Variants in CRKL observed in about 807,000 individuals in gnomAD.
CRKL encodes the protein CRK like proto-oncogene, adaptor protein.
In CRKL, 3 loss-of-function variants were observed where a neutral mutation model predicts 23.0. The ratio of observed to expected loss-of-function variants is 0.13; its 90% CI spans 0.06 to 0.34. The LOEUF (loss-of-function observed/expected upper bound fraction) is 0.34, where lower values mean the gene tolerates loss of function less well. CRKL is among the 10% of genes least tolerant of loss of function. The probability of loss-of-function intolerance (pLI) is 1.00; values close to 1 mark genes in which losing one functional copy is unlikely to be tolerated. For synonymous variants in CRKL, 188 were observed against 160.7 expected, an observed-to-expected ratio of 1.17 and a Z score of -1.28; for missense variants, 256 against 394.5, an observed-to-expected ratio of 0.65 and a Z score of 2.97.
Position 20,931,910 on chromosome 22 carries a change from C to G in CRKL, c.312-1869C>G, listed in dbSNP as rs369132845. Reference sequence around the variant, plus strand: ...CACTGCAAGCTCCGCCTCCCGGGCTCACACCGTTCTCCTGCCTCAGCCTCC... The same window carrying G: ...CACTGCAAGCTCCGCCTCCCGGGCTGACACCGTTCTCCTGCCTCAGCCTCC... On this transcript the variant is annotated intron_variant, in intron 1 of 2. Transcript: ENST00000354336. 1.4e-3 allele frequency among the ~76,000 whole-genome samples: 208 copies of G among 152,268 alleles called. 1 individual carries two copies. The highest frequency in any genetic ancestry group is 4.6e-3 in the African/African-American group (192 of 41,542).
In CRKL at chr22:20,917,417, C is replaced by T. The variant is rs952671761; in HGVS notation, c.-518C>T. On this transcript the variant is annotated 5_prime_UTR_variant, in exon 1 of 3. Coordinates refer to ENST00000354336, the MANE Select transcript of CRKL (RefSeq NM_005207.4). ...GGGCCCAGCGCGTGCGCAGACGGAG[C>T]GCGCTGAGCGGAGGGGGAGGTGGCT... 1.8e-5 allele frequency: 4 copies of T among 221,146 alleles called. No homozygotes were observed. The highest frequency in any genetic ancestry group is 3.6e-5 in the Non-Finnish European group (4 of 110,196). 13.7% of individuals were successfully genotyped at this position (221,146 alleles called of 1,614,324 possible).
intron 1 of CRKL, among the ~76,000 whole-genome samples, chr22:20,930,443 G>A (rs1331862729): frequency 2.0e-5 from 3 of 152,120 alleles, no homozygotes; most frequent in African/African-American, 7.2e-5. Flanking sequence ...GCAGTGGTGT[G>A]ATCTCAGCTC....
Position 20,941,588 on chromosome 22 carries a change from A to ATATATTTTTTTTTT in CRKL, c.777+7345_777+7346insATATTTTTTTTTTT. Among the ~76,000 whole-genome samples, 2 of 33,540 alleles carry ATATATTTTTTTTTT rather than the reference A, an allele frequency of 6.0e-5. 1 individual carries two copies. Among genetic ancestry groups the ATATATTTTTTTTTT allele is most frequent in the Non-Finnish European group, 1.0e-4 (2 of 19,820 alleles). The allele number at this position is 33,540 out of a possible 152,430, so 22.0% of individuals were successfully genotyped here. A position where few individuals can be genotyped will look rare whatever the true frequency, so the allele number is the denominator to read the frequency against. On this transcript the variant is annotated intron_variant, in intron 2 of 2. Transcript: ENST00000354336. ...TGTGTGTGTGTGTGTGTATATATATATTTTTTTTTTTTTTTTTTTTTTTTG... is the reference window on the plus strand; with the variant it reads ...TGTGTGTGTGTGTGTGTATATATATATATATTTTTTTTTTTTTTTTTTTTTTTTTTTTTTTTTTG...
chr22:20,930,925 G>A (rs559794383), intron 1 of CRKL, among the ~76,000 whole-genome samples: 79 of 140,632 alleles, frequency 5.6e-4, no homozygotes, highest in Admixed American at 7.0e-4. Context: ...CTTGTGATCC[G>A]TCCACCTCAG....
At chr22:20,948,292 C>T (rs1922143553) in intron 2 of CRKL, among the ~76,000 whole-genome samples, 1 of 151,978 alleles carries the variant, frequency 6.6e-6, no homozygotes, top group African/African-American at 2.4e-5. Flanking sequence ...TTTATTAGAC[C>T]CCGTTTTCAG....
chr22:20,932,967 C>G (rs1174117335), intron 1 of CRKL, among the ~76,000 whole-genome samples: 1 of 152,036 alleles, frequency 6.6e-6, no homozygotes, highest in Non-Finnish European at 1.5e-5. Flanking sequence ...GTAATCTCAG[C>G]TACTCGGGAG....
intron 1 of CRKL, among the ~76,000 whole-genome samples, chr22:20,929,743 G>A (rs1921371211): frequency 6.6e-6 from 1 of 152,342 alleles, no homozygotes; most frequent in Admixed American, 6.5e-5. Context: ...TTGCAGGCAT[G>A]AGCCACTGCG....
intron 2 of CRKL, among the ~76,000 whole-genome samples, chr22:20,945,037 G>T (rs1034094960): frequency 1.3e-5 from 2 of 149,848 alleles, no homozygotes; most frequent in South Asian, 4.2e-4. Context: ...TCTATCACCC[G>T]GGCTGGAGTG....
At chr22:20,932,669 A>ATG (rs1481725017) in intron 1 of CRKL, among the ~76,000 whole-genome samples, 2 of 152,128 alleles carry the variant, frequency 1.3e-5, no homozygotes, top group African/African-American at 2.4e-5. Context: ...GATGGAGTGT[A>ATG]TGTGTGTGTG....
Position 20,950,851 on chromosome 22 carries a change from GC to G in CRKL, c.*1008del, listed in dbSNP as rs1922249533. 4.3e-6 allele frequency: 1 copy of G among 231,268 alleles called. No individual in the cohort carries two copies. Among genetic ancestry groups the G allele is most frequent in the South Asian group, 1.8e-4 (1 of 5,514 alleles). The allele number at this position is 231,268 out of a possible 1,614,324, so 14.3% of individuals were successfully genotyped here. A position where few individuals can be genotyped will look rare whatever the true frequency, so the allele number is the denominator to read the frequency against. On this transcript the variant is annotated 3_prime_UTR_variant, in exon 3 of 3. Coordinates refer to ENST00000354336, the MANE Select transcript of CRKL (RefSeq NM_005207.4). ...TGAAAAGAACAACCCTGAAGCAGAG[GC>G]CTTTATTGTCTTGGTTGCCAGTAGT...
intron 1 of CRKL, among the ~76,000 whole-genome samples, chr22:20,926,511 G>T (rs1335151954): frequency 6.6e-6 from 1 of 152,112 alleles, no homozygotes; most frequent in African/African-American, 2.4e-5. Flanking sequence ...ATTAGGGTGG[G>T]TGCGTGATTC....
At chr22:20,946,210 G>C (rs1197426364) in intron 2 of CRKL, among the ~76,000 whole-genome samples, 1 of 152,170 alleles carries the variant, frequency 6.6e-6, no homozygotes, top group Non-Finnish European at 1.5e-5. Context: ...CTGCTGTGAC[G>C]ACCAGTGCTT....
chr22:20,941,538 ATGTGTGTGTGTGTGTGTGTG>A lies in CRKL; in HGVS notation c.777+7316_777+7335del, dbSNP rs1187984983. Among the ~76,000 whole-genome samples the A allele has an allele frequency of 7.1e-4, 36 of 50,426 alleles. 2 individuals are homozygous for A. The highest frequency in any genetic ancestry group is 2.5e-3 in the African/African-American group (34 of 13,394). 33.1% of individuals were successfully genotyped at this position (50,426 alleles called of 152,430 possible). A position where few individuals can be genotyped will look rare whatever the true frequency, so the allele number is the denominator to read the frequency against. On this transcript the variant is annotated intron_variant, in intron 2 of 2. Coordinates refer to ENST00000354336, the MANE Select transcript of CRKL (RefSeq NM_005207.4). Reference sequence around the variant, plus strand: ...GTATGTGTATATATATATATATTTTATGTGTGTGTGTGTGTGTGTGTGTGTGTGTGTGTGTGTGTGTATAT... The same window carrying A: ...GTATGTGTATATATATATATATTTTATGTGTGTGTGTGTGTGTGTGTATAT...
chr22:20,948,637 C>T (rs2266953), intron 2 of CRKL, among the ~76,000 whole-genome samples: 97,880 of 152,018 alleles, frequency 0.64, 32,171 homozygotes, highest in South Asian at 0.8. Flanking sequence ...GTTCATGGCA[C>T]GGACCATTGG....
At chr22:20,945,345 C>T (rs993518174) in intron 2 of CRKL, among the ~76,000 whole-genome samples, 2 of 152,078 alleles carry the variant, frequency 1.3e-5, no homozygotes, top group African/African-American at 4.8e-5. Flanking sequence ...CAACTGATAT[C>T]TATGTGTTGA....
rs1922327165 is a variant in CRKL, at chr22:20,952,794, G to A, written c.*2949G>A. 1 of 232,086 alleles carries A rather than the reference G, an allele frequency of 4.3e-6. No homozygotes were observed. The highest frequency in any genetic ancestry group is 2.2e-5 in the African/African-American group (1 of 45,406). 14.4% of individuals were successfully genotyped at this position (232,086 alleles called of 1,614,324 possible). The stretch of plus-strand genomic sequence containing the variant: ...ACTGGTTAAAAACTTGTGTATCCCG[G>A]GAAGGACCTGCGGTACAGGAGTCAG... On this transcript the variant is annotated 3_prime_UTR_variant, in exon 3 of 3. Transcript: ENST00000354336.
At chr22:20,948,863 A>G (rs1326481310) in intron 2 of CRKL, among the ~76,000 whole-genome samples, 3 of 152,188 alleles carry the variant, frequency 2.0e-5, no homozygotes, top group Non-Finnish European at 4.4e-5. Flanking sequence ...TGGGTCTTAT[A>G]TTCAAGTAGC....
intron 2 of CRKL, among the ~76,000 whole-genome samples, chr22:20,940,294 G>C (rs1441677439): frequency 6.6e-6 from 1 of 152,104 alleles, no homozygotes; most frequent in Non-Finnish European, 1.5e-5. Context: ...GCTGCTTCCA[G>C]ATGCTCCACT....
At chr22:20,946,717 T>A (rs5761470) in intron 2 of CRKL, among the ~76,000 whole-genome samples, 1 of 150,258 alleles carries the variant, frequency 6.7e-6, no homozygotes, top group African/African-American at 2.5e-5. Context: ...AGAGCACCCC[T>A]CCCTCCAAAA....
Sources: allele counts gnomAD v4.1 joint callset (sites outside exome capture counted in the v4.1 genomes callset), GRCh38; gene constraint gnomAD v4.1.1; transcripts MANE v1.5; gene names NCBI Gene and HGNC (gene_info 2026-07-23, HGNC 2026-07-21).